The following CDH3 variants were observed in gnomAD, a reference collection of about 807,000 sequenced individuals.
The protein encoded by CDH3 is cadherin 3, also known as cadherin-3.
In CDH3, 54 loss-of-function variants were observed where a neutral mutation model predicts 82.0. The observed-to-expected ratio is 0.66, with a 90% CI of 0.53 to 0.83. The LOEUF is 0.83. CDH3 is among the 40% of genes least tolerant of loss of function. The pLI is 0.00. For missense variants in CDH3, 1,054 were observed against 1,084.6 expected (o/e 0.97, Z 0.40); for synonymous variants, 446 against 437.9 (o/e 1.02, Z -0.23).
chr16:68,701,351 C>T (rs28431226), downstream of CDH3, among the ~76,000 whole-genome samples: 1 of 152,114 alleles, frequency 6.6e-6, no homozygotes, highest in Non-Finnish European at 1.5e-5. Flanking sequence ...GCTTAGGACT[C>T]TGATCCTTAG....
intron 1 of CDH3, among the ~76,000 whole-genome samples, chr16:68,722,188 T>A (rs1962172467): frequency 6.6e-6 from 1 of 152,210 alleles, no homozygotes; most frequent in African/African-American, 2.4e-5. Flanking sequence ...GTTTATTCCA[T>A]CAGATCAAAA....
At chr16:68,731,937 T>C (rs754582133), downstream of CDH3, among the ~76,000 whole-genome samples, 7 of 152,146 alleles carry the variant, frequency 4.6e-5, no homozygotes, top group Non-Finnish European at 8.8e-5. Context: ...TACAAAAACT[T>C]TAAAAATTGC....
chr16:68,727,310 C>T (rs2152111927), exon 3 of CDH3, among the ~76,000 whole-genome samples: 1 of 152,298 alleles, frequency 6.6e-6, no homozygotes, highest in African/African-American at 2.4e-5. Flanking sequence ...CCTGGTTCTC[C>T]AGCTTGTAGA....
At chr16:68,652,031 T>A (rs1960265635) in intron 2 of CDH3, 1 of 207,166 alleles carries the variant, frequency 4.8e-6, no homozygotes, top group Non-Finnish European at 9.9e-6. Flanking sequence ...TTTCTGTGCT[T>A]ATGGGCTGCC....
At chr16:68,697,751 TATTTACTC>T (rs1276177840) in intron 15 of CDH3, among the ~76,000 whole-genome samples, 1 of 152,156 alleles carries the variant, frequency 6.6e-6, no homozygotes, top group African/African-American at 2.4e-5. Flanking sequence ...GCTTTACAGG[TATTTACTC>T]ATTTACTCAT....
At chr16:68,710,965 G>A (rs1345124773) in intron 1 of CDH3, among the ~76,000 whole-genome samples, 5 of 100,992 alleles carry the variant, frequency 5.0e-5, no homozygotes, top group African/African-American at 1.9e-4. Context: ...GGAGGGGAGG[G>A]GAAGGAGGGG....
At chr16:68,689,551 A>C (rs1014731664) in intron 12 of CDH3, among the ~76,000 whole-genome samples, 1 of 103,292 alleles carries the variant, frequency 9.7e-6, no homozygotes, top group African/African-American at 3.3e-5. Flanking sequence ...AATTAAAAAA[A>C]AAAAAGAAAG....
At chr16:68,731,387 A>T (rs1172370733), downstream of CDH3, among the ~76,000 whole-genome samples, 25 of 9,130 alleles carry the variant, frequency 2.7e-3, no homozygotes, top group Middle Eastern at 0.05. Context: ...AAAAAAAAAA[A>T]AAAAAAAAAT....
chr16:68,721,744 C>T (rs1406001439), intron 1 of CDH3, among the ~76,000 whole-genome samples: 2 of 152,184 alleles, frequency 1.3e-5, no homozygotes, highest in African/African-American at 4.8e-5. Context: ...TGCTCCCCAT[C>T]ATATTTCTGA....
At chr16:68,684,260 C>T (rs1961331286) in intron 9 of CDH3, among the ~76,000 whole-genome samples, 1 of 152,128 alleles carries the variant, frequency 6.6e-6, no homozygotes, top group Non-Finnish European at 1.5e-5. Context: ...ATCCAGCAGC[C>T]TTGGCCTTCC....
At chr16:68,658,865 G>T (rs1597794397) in intron 2 of CDH3, among the ~76,000 whole-genome samples, 1 of 152,228 alleles carries the variant, frequency 6.6e-6, no homozygotes, top group East Asian at 1.9e-4. Context: ...CTTGGCTGGT[G>T]ATCAAATTGC....
chr16:68,651,814 G>C, intron 2 of CDH3: 1 of 491,976 alleles, frequency 2.0e-6, no homozygotes, highest in Admixed American at 2.3e-5. Flanking sequence ...TGGAAGTCAG[G>C]GCTGATGGAG....
downstream of CDH3, among the ~76,000 whole-genome samples, chr16:68,728,573 G>A (rs766709266): frequency 3.3e-5 from 5 of 152,200 alleles, no homozygotes; most frequent in Admixed American, 1.3e-4. Context: ...TGGGATGACA[G>A]GCTTGAGCCA....
intron 1 of CDH3, among the ~76,000 whole-genome samples, chr16:68,711,662 G>A: frequency 6.6e-6 from 1 of 152,210 alleles, no homozygotes; most frequent in East Asian, 1.9e-4. Context: ...TGGTCCCGTG[G>A]GAACTTACAT....
chr16:68,683,598 G>A (rs1401441141), intron 9 of CDH3, among the ~76,000 whole-genome samples: 1 of 138,914 alleles, frequency 7.2e-6, no homozygotes, highest in African/African-American at 2.7e-5. Flanking sequence ...CTTGCAGTGA[G>A]CCGAGATCGC....
At chr16:68,659,686 A>G (rs1960507258) in intron 2 of CDH3, among the ~76,000 whole-genome samples, 1 of 152,134 alleles carries the variant, frequency 6.6e-6, no homozygotes, top group African/African-American at 2.4e-5. Context: ...CCTGTCTTCA[A>G]AAAAAACCAA....
chr16:68,668,658 C>T (rs149902386), intron 2 of CDH3, among the ~76,000 whole-genome samples: 25 of 152,348 alleles, frequency 1.6e-4, no homozygotes, highest in African/African-American at 5.0e-4. Context: ...TCTCCAAATG[C>T]AGACTGAGCC....
chr16:68,677,664 GGA>G (rs1334201898), intron 3 of CDH3, among the ~76,000 whole-genome samples: 1 of 152,206 alleles, frequency 6.6e-6, no homozygotes, highest in Non-Finnish European at 1.5e-5. Context: ...CTTGAACCTG[GGA>G]GGCAGAGGTT....
In CDH3 at chr16:68,718,314, G is replaced by T. The variant is rs980910833; in HGVS notation, c.100-4111G>T. The stretch of plus-strand genomic sequence containing the variant: ...CCACCGAACTGGCTAAACTTTTTTT[G>T]TGTGTTAAATTACCCAGTGTCAGGA... On this transcript the variant is annotated intron_variant, in intron 1 of 2. Coordinates refer to the CDH3 transcript ENST00000569080. Among the ~76,000 whole-genome samples the T allele has an allele frequency of 1.9e-4, 29 of 151,566 alleles. 1 individual carries two copies. Among genetic ancestry groups the T allele is most frequent in the African/African-American group, 5.3e-4 (22 of 41,334 alleles).
Sources: allele counts gnomAD v4.1 joint callset (sites outside exome capture counted in the v4.1 genomes callset), GRCh38; gene constraint gnomAD v4.1.1; transcripts MANE v1.5; gene names NCBI Gene and HGNC (gene_info 2026-07-23, HGNC 2026-07-21).